PTK2: variants seen among roughly 807,000 people sequenced by gnomAD.
The protein encoded by PTK2 is protein tyrosine kinase 2, also known as focal adhesion kinase 1.
PTK2 carries 45 observed loss-of-function variants against 150.1 expected under a neutral mutation model. The observed-to-expected ratio is 0.30, with a 90% confidence interval of 0.24 to 0.38. The LOEUF (loss-of-function observed/expected upper bound fraction) is 0.38, where lower values mean the gene tolerates loss of function less well. PTK2 is among the 10% of genes least tolerant of loss of function. The probability of loss-of-function intolerance (pLI) is 1.00; values close to 1 mark genes in which losing one functional copy is unlikely to be tolerated. For missense variants in PTK2, 919 were observed against 1,307.3 expected (o/e 0.70, Z 4.58); for synonymous variants, 432 against 449.2 (o/e 0.96, Z 0.48).
At chr8:140,999,089 A>G (rs1475731154) in intron 1 of PTK2, among the ~76,000 whole-genome samples, 1 of 152,224 alleles carries the variant, frequency 6.6e-6, no homozygotes, top group East Asian at 1.9e-4. Flanking sequence ...GCCTCAAATA[A>G]TAAGGCTTTT....
At chr8:140,967,585 C>G (rs758367067) in intron 1 of PTK2, among the ~76,000 whole-genome samples, 1 of 151,724 alleles carries the variant, frequency 6.6e-6, no homozygotes, top group Non-Finnish European at 1.5e-5. Flanking sequence ...CTCAGCCTCC[C>G]GAGTGGCTAG....
chr8:140,730,009 TA>T (rs1407125345), intron 22 of PTK2, among the ~76,000 whole-genome samples: 1 of 152,236 alleles, frequency 6.6e-6, no homozygotes, highest in Non-Finnish European at 1.5e-5. Flanking sequence ...CATTGCTCTA[TA>T]ACTACTAGTT....
At chr8:140,694,492 A>G (rs143256912) in intron 26 of PTK2, among the ~76,000 whole-genome samples, 25 of 152,338 alleles carry the variant, frequency 1.6e-4, no homozygotes, top group African/African-American at 5.1e-4. Flanking sequence ...TTTAGAAAGA[A>G]AGATACAAAC....
At chr8:141,002,008 A>G (rs1480089926), upstream of PTK2, 1 of 152,256 alleles carries the variant, frequency 6.6e-6, no homozygotes, top group Non-Finnish European at 1.5e-5. Context: ...CCCGAGGGCT[A>G]CAGACCTGAG....
chr8:140,840,890 T>C (rs1654378456), intron 7 of PTK2, among the ~76,000 whole-genome samples: 1 of 151,546 alleles, frequency 6.6e-6, no homozygotes, highest in African/African-American at 2.4e-5. Flanking sequence ...CACAGAGAAG[T>C]TGAAAGTGAA....
rs41305527 is a variant in PTK2, at chr8:140,659,224, C to T, written c.*242G>A. ...CATATAATTTTCATTCTTAGAAAAA[C>T]GCCACATTTTGGATCCTGGATTTTT... On this transcript the variant is annotated 3_prime_UTR_variant, in exon 32 of 32. Coordinates refer to ENST00000522684, the Ensembl canonical transcript of PTK2. 3.5e-3 allele frequency: 1,787 copies of T among 509,436 alleles called. 14 individuals carry two copies. The highest frequency in any genetic ancestry group is 0.013 in the Middle Eastern group (25 of 1,958). 31.6% of individuals were successfully genotyped at this position (509,436 alleles called of 1,614,324 possible).
At chr8:140,999,477 CA>C (rs1226810473) in intron 1 of PTK2, among the ~76,000 whole-genome samples, 1 of 152,188 alleles carries the variant, frequency 6.6e-6, no homozygotes, top group Non-Finnish European at 1.5e-5. Flanking sequence ...ACCACAAATA[CA>C]AAACACAAAG....
intron 2 of PTK2, among the ~76,000 whole-genome samples, chr8:140,912,549 G>A (rs1238664142): frequency 6.6e-6 from 1 of 151,794 alleles, no homozygotes; most frequent in Non-Finnish European, 1.5e-5. Flanking sequence ...ACTCATATGA[G>A]CAACTGAATA....
At chr8:140,810,089 G>A (rs904324960) in intron 10 of PTK2, among the ~76,000 whole-genome samples, 8 of 152,164 alleles carry the variant, frequency 5.3e-5, no homozygotes, top group African/African-American at 1.9e-4. Flanking sequence ...TACCCTGGGG[G>A]AATGGGTGAG....
At chr8:140,897,405 T>C (rs568465404) in intron 2 of PTK2, among the ~76,000 whole-genome samples, 1 of 152,360 alleles carries the variant, frequency 6.6e-6, no homozygotes, top group East Asian at 1.9e-4. Context: ...TTTTACACTT[T>C]AATGTTTTAT....
chr8:140,885,680 T>C (rs1455393246), intron 3 of PTK2, among the ~76,000 whole-genome samples: 2 of 152,090 alleles, frequency 1.3e-5, no homozygotes, highest in Non-Finnish European at 2.9e-5. Context: ...GGAATCTGGC[T>C]TTTAGTCTGG....
At chr8:140,693,254 C>T (rs1715416472) in intron 26 of PTK2, among the ~76,000 whole-genome samples, 1 of 151,956 alleles carries the variant, frequency 6.6e-6, no homozygotes, top group Non-Finnish European at 1.5e-5. Flanking sequence ...GATCTGGGAA[C>T]AAGAAAAGGG....
intron 1 of PTK2, among the ~76,000 whole-genome samples, chr8:140,945,717 C>G (rs1241307842): frequency 1.3e-5 from 2 of 152,112 alleles, no homozygotes; most frequent in African/African-American, 4.8e-5. Context: ...TTTTTAAAAG[C>G]TCTTCAGGGC....
intron 1 of PTK2, chr8:140,940,813 C>A (rs1312520709): frequency 6.6e-6 from 1 of 152,086 alleles, no homozygotes; most frequent in East Asian, 1.9e-4. Context: ...CCTGTCTCTA[C>A]TAAAAATACA....
chr8:140,946,434 T>C (rs1054763815), intron 1 of PTK2, among the ~76,000 whole-genome samples: 7 of 152,168 alleles, frequency 4.6e-5, no homozygotes, highest in Middle Eastern at 3.2e-3. Context: ...AATCCCTACC[T>C]ACCATGATAG....
At chr8:140,769,756 A>G (rs533894600) in intron 14 of PTK2, among the ~76,000 whole-genome samples, 164 bp from the exon 16 acceptor site, 2 of 152,300 alleles carry the variant, frequency 1.3e-5, no homozygotes, top group East Asian at 3.9e-4. Flanking sequence ...AATTCAAAAG[A>G]TAAAGAAAGA....
intron 14 of PTK2, among the ~76,000 whole-genome samples, chr8:140,776,384 T>G (rs551485124): frequency 6.6e-6 from 1 of 152,260 alleles, no homozygotes; most frequent in African/African-American, 2.4e-5. Flanking sequence ...AATCCACTTG[T>G]AATTGCTGCT....
intron 8 of PTK2, chr8:140,821,458 T>C (rs1432900533): frequency 2.0e-5 from 3 of 152,272 alleles, no homozygotes; most frequent in Non-Finnish European, 4.4e-5. Context: ...AGTAGAGTTT[T>C]AGATGGAACA....
exon 7 of PTK2, chr8:140,846,265 T>C (rs768497456): frequency 6.2e-7 from 1 of 1,608,734 alleles, no homozygotes; most frequent in Non-Finnish European, 8.5e-7. Context: ...CTTACTCTAA[T>C]ACTTCATAGT....
Sources: gnomAD v4.1 joint callset for allele counts (sites outside exome capture counted in the v4.1 genomes callset) on GRCh38, gnomAD v4.1.1 for gene constraint, MANE v1.5 for transcripts, NCBI Gene and HGNC (gene_info 2026-07-23, HGNC 2026-07-21) for gene names.